Variants in DSTYK observed in about 807,000 individuals in gnomAD.
DSTYK encodes the protein RIP-homologous kinase.
Under a neutral mutation model 98.7 loss-of-function variants are expected in DSTYK, and 34 were observed. That is an observed-to-expected ratio of 0.34 (90% CI 0.26 to 0.46). The LOEUF (loss-of-function observed/expected upper bound fraction) is 0.46. Among genes scored for constraint, DSTYK ranks in the 20% least tolerant of loss-of-function variants. The pLI, the probability that DSTYK is intolerant of heterozygous loss-of-function variation, is 1.00. For missense variants in DSTYK, 962 were observed against 1,181.7 expected (o/e 0.81, Z 2.73); for synonymous variants, 462 against 457.3 (o/e 1.01, Z -0.13).
chr1:205,189,613 C>T (rs373327601), intron 1 of DSTYK, among the ~76,000 whole-genome samples: 5 of 152,336 alleles, frequency 3.3e-5, no homozygotes, highest in African/African-American at 1.2e-4. Context: ...GGTGGTTCTA[C>T]TTCAGAGTGA....
chr1:205,181,653 G>GTGTGTGT (rs1658400187), intron 2 of DSTYK, among the ~76,000 whole-genome samples: 1 of 83,962 alleles, frequency 1.2e-5, no homozygotes, highest in South Asian at 3.1e-4. Context: ...CAGATGTTGG[G>GTGTGTGT]GTTTGTGTGT....
intron 1 of DSTYK, among the ~76,000 whole-genome samples, chr1:205,195,655 T>C (rs190993525): frequency 6.6e-6 from 1 of 152,188 alleles, no homozygotes; most frequent in Non-Finnish European, 1.5e-5. Flanking sequence ...CTCGCTGGAA[T>C]CGGAAAAGTC....
At chr1:205,152,047 A>G (rs1335069300) in intron 10 of DSTYK, among the ~76,000 whole-genome samples, 1 of 152,236 alleles carries the variant, frequency 6.6e-6, no homozygotes, top group Non-Finnish European at 1.5e-5. Context: ...TATACTGTAC[A>G]TAATTGTGCT....
chr1:205,190,615 CAAAAAAAAAAAA>C (rs760042971), intron 1 of DSTYK, among the ~76,000 whole-genome samples: 1 of 71,912 alleles, frequency 1.4e-5, no homozygotes, highest in Non-Finnish European at 2.4e-5. Flanking sequence ...GACTCCATCT[CAAAAAAAAAAAA>C]AAAAAAAAAA....
intron 1 of DSTYK, among the ~76,000 whole-genome samples, chr1:205,207,621 T>C (rs1659242693): frequency 6.7e-6 from 1 of 149,708 alleles, no homozygotes; most frequent in Admixed American, 6.6e-5. Flanking sequence ...CTGGGCCTGG[T>C]GGCAGGCGCC....
Position 205,148,510 on chromosome 1 carries a change from A to G in DSTYK, c.2468-171T>C, listed in dbSNP as rs1015331320. Among the ~76,000 whole-genome samples, 10 of 152,202 alleles carry G rather than the reference A, an allele frequency of 6.6e-5. No homozygotes were observed. In the East Asian group the frequency reaches 1.7e-3, roughly 26 times the overall value. On this transcript the variant is annotated intron_variant, in intron 11 of 12. Transcript: ENST00000367162. ...GTACATTTATAATGCCCATTTTACA[A>G]TACAATCAACTAAGACATTGGGAGG...
intron 1 of DSTYK, among the ~76,000 whole-genome samples, chr1:205,204,455 T>TACACACAC (rs56294352): frequency 0.29 from 42,564 of 148,518 alleles, 7,749 homozygotes; most frequent in Non-Finnish European, 0.42. Context: ...ATGCTCACCA[T>TACACACAC]ACACACACAC....
intron 1 of DSTYK, among the ~76,000 whole-genome samples, chr1:205,209,590 A>ATCC (rs1659307477): frequency 8.9e-5 from 13 of 146,534 alleles, no homozygotes; most frequent in Admixed American, 2.1e-4. Context: ...ATAGGAATTT[A>ATCC]AAAAGCCTTA....
chr1:205,173,390 C>CAAAAAAAAAAAAAAAAAAAAACAA (rs570805658), intron 2 of DSTYK: 1 of 82,606 alleles, frequency 1.2e-5, no homozygotes, highest in Non-Finnish European at 2.2e-5. Context: ...GAGACTGTCT[C>CAAAAAAAAAAAAAAAAAAAAACAA]AAAAAAAAAA....
intron 2 of DSTYK, among the ~76,000 whole-genome samples, chr1:205,173,995 T>C (rs1658148394): frequency 6.6e-6 from 1 of 152,014 alleles, no homozygotes; most frequent in Non-Finnish European, 1.5e-5. Context: ...GCTGGGATTA[T>C]AGGCGTGAGC....
intron 1 of DSTYK, chr1:205,202,735 C>G (rs1238701877): frequency 6.6e-6 from 5 of 753,984 alleles, no homozygotes; most frequent in Non-Finnish European, 9.3e-6. Flanking sequence ...ACTTATGACA[C>G]AGGAGTAAAT....
At chr1:205,197,024 C>T (rs1658887579) in intron 1 of DSTYK, among the ~76,000 whole-genome samples, 1 of 151,740 alleles carries the variant, frequency 6.6e-6, no homozygotes, top group African/African-American at 2.4e-5. Context: ...CATGGCCTCC[C>T]AAAGTGCTGG....
chr1:205,166,840 G>A (rs1657904216), intron 3 of DSTYK, among the ~76,000 whole-genome samples: 1 of 152,114 alleles, frequency 6.6e-6, no homozygotes, highest in Non-Finnish European at 1.5e-5. Context: ...ATTTATAAGT[G>A]TAACTTAAAC....
At chr1:205,161,179 G>C (rs1197046516) in intron 7 of DSTYK, 79 bp downstream of exon 7, 3 of 1,557,664 alleles carry the variant, frequency 1.9e-6, no homozygotes, top group African/African-American at 2.7e-5. Context: ...TTAGACACTA[G>C]GATTCTCTGA....
chr1:205,183,593 G>T (rs763873286), intron 2 of DSTYK, among the ~76,000 whole-genome samples: 1 of 152,202 alleles, frequency 6.6e-6, no homozygotes, highest in Non-Finnish European at 1.5e-5. Context: ...ATTCAATCTT[G>T]ATTTCCTTTA....
chr1:205,196,594 A>G (rs926171380), intron 1 of DSTYK, among the ~76,000 whole-genome samples: 1 of 152,014 alleles, frequency 6.6e-6, no homozygotes, highest in Non-Finnish European at 1.5e-5. Context: ...CCCATCACTG[A>G]GACAGGTGGG....
chr1:205,203,275 G>A (rs1659094335), intron 1 of DSTYK, among the ~76,000 whole-genome samples: 2 of 150,144 alleles, frequency 1.3e-5, no homozygotes, highest in African/African-American at 4.9e-5. Flanking sequence ...TTGAGGCCAG[G>A]AGTTCAACAT....
intron 1 of DSTYK, among the ~76,000 whole-genome samples, chr1:205,208,489 G>A (rs11240388): frequency 0.49 from 74,897 of 152,054 alleles, 21,339 homozygotes; most frequent in Non-Finnish European, 0.63. Context: ...CCATTCTGAA[G>A]TGATGCTTAA....
intron 2 of DSTYK, among the ~76,000 whole-genome samples, chr1:205,172,009 G>C (rs1227750341): frequency 6.6e-6 from 1 of 152,192 alleles, no homozygotes; most frequent in Non-Finnish European, 1.5e-5. Context: ...ATGCTGGAGT[G>C]CAATGGCACG....
Sources: allele counts gnomAD v4.1 joint callset (sites outside exome capture counted in the v4.1 genomes callset), GRCh38; gene constraint gnomAD v4.1.1; transcripts MANE v1.5; gene names NCBI Gene and HGNC (gene_info 2026-07-23, HGNC 2026-07-21).